Variants in RPH3A observed in about 807,000 individuals in gnomAD.
RPH3A encodes rabphilin 3A.
Under a neutral mutation model 102.2 loss-of-function variants are expected in RPH3A, and 48 were observed. The ratio of observed to expected loss-of-function variants is 0.47; its 90% CI spans 0.37 to 0.60. The LOEUF (loss-of-function observed/expected upper bound fraction) is 0.60, where lower values mean the gene tolerates loss of function less well. Among genes scored for constraint, RPH3A ranks in the 20% least tolerant of loss-of-function variants. The probability of loss-of-function intolerance (pLI) is 0.00; values close to 1 mark genes in which losing one functional copy is unlikely to be tolerated. For synonymous variants in RPH3A, 310 were observed against 324.3 expected (o/e 0.96, Z 0.47); for missense variants, 781 against 910.1 (o/e 0.86, Z 1.83).
intron 1 of RPH3A, among the ~76,000 whole-genome samples, chr12:112,655,850 G>A (rs1184607296): frequency 1.3e-5 from 2 of 152,202 alleles, no homozygotes; most frequent in African/African-American, 2.4e-5. Context: ...TGGGATTACA[G>A]GCATGAGCTA....
intron 1 of RPH3A, among the ~76,000 whole-genome samples, chr12:112,580,619 G>A (rs1184989034): frequency 6.6e-6 from 1 of 151,846 alleles, no homozygotes; most frequent in African/African-American, 2.4e-5. Flanking sequence ...TGTAAGCCAG[G>A]ATGGTCTCGA....
chr12:112,665,790 T>A (rs867430604), intron 1 of RPH3A, among the ~76,000 whole-genome samples: 1 of 152,220 alleles, frequency 6.6e-6, no homozygotes, highest in African/African-American at 2.4e-5. Context: ...AGATTAGACT[T>A]ATTTTAGGAA....
At chr12:112,621,006 T>A (rs557545582) in intron 1 of RPH3A, among the ~76,000 whole-genome samples, 2 of 151,404 alleles carry the variant, frequency 1.3e-5, no homozygotes, top group South Asian at 4.2e-4. Flanking sequence ...TTTTTAACAT[T>A]ATTATTTTTT....
Position 112,868,474 on chromosome 12 carries a change from A to G in RPH3A, c.489A>G (p.Lys163=). The G allele has an allele frequency of 6.2e-7, 1 of 1,614,132 alleles. No homozygotes were observed. The highest frequency in any genetic ancestry group is 8.5e-7 in the Non-Finnish European group (1 of 1,179,996). ...SGAWFFKGFP[K]QVLPQPMPIK... ...CGTGGTTCTTCAAAGGCTTCCCCAA[A>G]CAGGTCCTCCCACAGCCTATGCCTA... The change falls in exon 8 of 22, where the codon AAA becomes AAG. Residue 163 remains lysine, a synonymous_variant. Coordinates refer to ENST00000389385, the MANE Select transcript of RPH3A (RefSeq NM_001143854.2).
intron 7 of RPH3A, among the ~76,000 whole-genome samples, chr12:112,867,293 C>T (rs1017256070): frequency 1.3e-5 from 2 of 151,980 alleles, no homozygotes; most frequent in Admixed American, 1.3e-4. Context: ...TTACTTTGTC[C>T]TCTTTCTTTC....
At chr12:112,731,916 C>G (rs1402018565) in intron 1 of RPH3A, among the ~76,000 whole-genome samples, 1 of 152,220 alleles carries the variant, frequency 6.6e-6, no homozygotes, top group Non-Finnish European at 1.5e-5. Flanking sequence ...CATAAAGAAG[C>G]TACATAATTT....
In RPH3A at chr12:112,656,730, T is replaced by C. The variant is rs1592928753; in HGVS notation, c.-140+81411T>C. Among the ~76,000 whole-genome samples, 3 of 152,242 alleles carry C rather than the reference T, an allele frequency of 2.0e-5. No homozygotes were observed. The East Asian group carries it at 5.8e-4, about 29-fold the overall frequency. On this transcript the variant is annotated intron_variant, in intron 1 of 21. Transcript: ENST00000543106. ...GGATAATGGCTTCCAGTTCCACCCA[T>C]GTTGCTGCGAAAGACATGATTTCAT...
chr12:112,867,478 G>C (rs990722739), intron 7 of RPH3A, among the ~76,000 whole-genome samples: 2 of 152,162 alleles, frequency 1.3e-5, no homozygotes, highest in Admixed American at 1.3e-4. Context: ...TGGCAGGAAA[G>C]CATTGGCACA....
chr12:112,646,420 C>T (rs751518854), intron 1 of RPH3A, among the ~76,000 whole-genome samples: 26 of 152,244 alleles, frequency 1.7e-4, no homozygotes, highest in Non-Finnish European at 3.4e-4. Flanking sequence ...GTTTGTGTGC[C>T]TCTTTTTAAG....
chr12:112,593,745 G>A (rs2039495601), intron 1 of RPH3A, among the ~76,000 whole-genome samples: 1 of 152,130 alleles, frequency 6.6e-6, no homozygotes, highest in South Asian at 2.1e-4. Flanking sequence ...TGAGTTCCAG[G>A]GAGATTAGGC....
At chr12:112,676,586 A>G (rs1240803183) in intron 1 of RPH3A, among the ~76,000 whole-genome samples, 1 of 152,226 alleles carries the variant, frequency 6.6e-6, no homozygotes, top group South Asian at 2.1e-4. Flanking sequence ...TTAAAATGCC[A>G]CTTCATTCCC....
intron 1 of RPH3A, among the ~76,000 whole-genome samples, chr12:112,612,673 C>T (rs1432357370): frequency 1.3e-5 from 2 of 151,246 alleles, no homozygotes; most frequent in African/African-American, 2.4e-5. Context: ...CAAGTGATCC[C>T]CCTGCCCCAG....
chr12:112,807,360 C>G (rs961265445), intron 2 of RPH3A, among the ~76,000 whole-genome samples: 2 of 152,146 alleles, frequency 1.3e-5, no homozygotes, highest in African/African-American at 4.8e-5. Context: ...ATGAAGAGGA[C>G]AGTAGGACCC....
At chr12:112,674,922 A>C (rs566652593) in intron 1 of RPH3A, among the ~76,000 whole-genome samples, 27 of 152,334 alleles carry the variant, frequency 1.8e-4, no homozygotes, top group Admixed American at 1.4e-3. Context: ...CACAAGAGAA[A>C]GTCAGGACTG....
At chr12:112,848,394 T>A (rs1202844686) in intron 5 of RPH3A, among the ~76,000 whole-genome samples, 1 of 152,104 alleles carries the variant, frequency 6.6e-6, no homozygotes, top group Non-Finnish European at 1.5e-5. Flanking sequence ...TCAGGCAGCA[T>A]GTGAGTGAGG....
At chr12:112,658,216 G>A (rs545194069) in intron 1 of RPH3A, among the ~76,000 whole-genome samples, 14 of 151,908 alleles carry the variant, frequency 9.2e-5, no homozygotes, top group South Asian at 4.2e-4. Context: ...TTGCTCTGTC[G>A]TCCTGGCTGA....
At position 112,878,706 on chromosome 12, in the gene RPH3A, A is replaced by G. The variant is rs968521238; in HGVS notation, c.1172-413A>G. On this transcript the variant is annotated intron_variant, in intron 13 of 21. Transcript: ENST00000389385. ...TATGGATAACGAGAAGGTGCCAACC[A>G]TGTAAGGATCTAGAGGGAGAGCATT... 7.9e-5 allele frequency among the ~76,000 whole-genome samples: 12 copies of G among 152,252 alleles called. 1 individual carries two copies. The highest frequency in any genetic ancestry group is 2.9e-4 in the African/African-American group (12 of 41,470).
At chr12:112,648,660 G>A (rs189085867) in intron 1 of RPH3A, among the ~76,000 whole-genome samples, 199 of 141,500 alleles carry the variant, frequency 1.4e-3, no homozygotes, top group African/African-American at 4.8e-3. Context: ...TGGGAGGATC[G>A]TCTGAGCCTG....
At chr12:112,792,970 A>G (rs892655389) in intron 2 of RPH3A, among the ~76,000 whole-genome samples, 1 of 151,372 alleles carries the variant, frequency 6.6e-6, no homozygotes, top group Non-Finnish European at 1.5e-5. Context: ...TGTATGGGGG[A>G]GCGTCCTGGC....
Sources: allele counts gnomAD v4.1 joint callset (sites outside exome capture counted in the v4.1 genomes callset), GRCh38; gene constraint gnomAD v4.1.1; transcripts MANE v1.5; gene names NCBI Gene and HGNC (gene_info 2026-07-23, HGNC 2026-07-21).